Variants in BTBD9 observed in about 807,000 individuals in gnomAD.
BTBD9 encodes the protein BTB domain containing 9.
In BTBD9, 49 loss-of-function variants were observed where a neutral mutation model predicts 64.3. The observed-to-expected ratio is 0.76, with a 90% CI of 0.61 to 0.97. The LOEUF (loss-of-function observed/expected upper bound fraction) is 0.97. Among genes scored for constraint, BTBD9 ranks in the 50% least tolerant of loss-of-function variants. The probability of loss-of-function intolerance (pLI) is 0.00; values close to 1 mark genes in which losing one functional copy is unlikely to be tolerated. For synonymous variants in BTBD9, 260 were observed against 274.7 expected, an observed-to-expected ratio of 0.95 and a Z score of 0.53; for missense variants, 598 against 762.1, an observed-to-expected ratio of 0.78 and a Z score of 2.53.
chr6:38,197,147 T>C (rs563631565), intron 9 of BTBD9, among the ~76,000 whole-genome samples: 4 of 152,240 alleles, frequency 2.6e-5, no homozygotes, highest in Non-Finnish European at 5.9e-5. Context: ...CACAGACCAC[T>C]GTCTGGTTTA....
At chr6:38,327,192 G>C (rs1207896053) in intron 7 of BTBD9, among the ~76,000 whole-genome samples, 1 of 152,014 alleles carries the variant, frequency 6.6e-6, no homozygotes, top group Non-Finnish European at 1.5e-5. Flanking sequence ...AAAAAAATAA[G>C]TATCTAATGC....
chr6:38,608,922 G>A (rs748546547), intron 1 of BTBD9, among the ~76,000 whole-genome samples: 2 of 152,056 alleles, frequency 1.3e-5, no homozygotes, highest in Non-Finnish European at 2.9e-5. Flanking sequence ...ATTCTGTACT[G>A]TGATTTTAAA....
intron 6 of BTBD9, among the ~76,000 whole-genome samples, chr6:38,531,260 C>A (rs1192368758): frequency 2.0e-5 from 3 of 152,144 alleles, no homozygotes; most frequent in Admixed American, 2.0e-4. Context: ...TCAGAAGAAA[C>A]CTCACAGGCC....
chr6:38,328,377 G>A (rs747903168), intron 7 of BTBD9, among the ~76,000 whole-genome samples: 2 of 152,114 alleles, frequency 1.3e-5, no homozygotes, highest in African/African-American at 2.4e-5. Flanking sequence ...CTTATAAGAA[G>A]AGGAAGAAAC....
chr6:38,260,814 A>G (rs1258851059), intron 8 of BTBD9, among the ~76,000 whole-genome samples: 3 of 152,246 alleles, frequency 2.0e-5, no homozygotes, highest in African/African-American at 7.2e-5. Context: ...TTGTAACATC[A>G]AATATTCTTC....
chr6:38,370,530 C>T (rs1442341411), intron 6 of BTBD9, among the ~76,000 whole-genome samples: 1 of 152,162 alleles, frequency 6.6e-6, no homozygotes, highest in Non-Finnish European at 1.5e-5. Context: ...TTTCACTCTC[C>T]AGTTTACTCC....
At chr6:38,202,699 T>C (rs1377597153) in intron 9 of BTBD9, among the ~76,000 whole-genome samples, 5 of 152,062 alleles carry the variant, frequency 3.3e-5, no homozygotes, top group Admixed American at 2.6e-4. Context: ...GCTGGGAAAA[T>C]TGGATATCCA....
intron 6 of BTBD9, among the ~76,000 whole-genome samples, chr6:38,375,934 A>AGAAAGAAAGAAG (rs1554143846): frequency 7.5e-4 from 87 of 115,650 alleles, no homozygotes; most frequent in Non-Finnish European, 1.2e-3. Flanking sequence ...AAAGAAAGAA[A>AGAAAGAAAGAAG]GAAAGAAGGA....
intron 9 of BTBD9, among the ~76,000 whole-genome samples, chr6:38,248,524 G>C (rs1300454643): frequency 2.6e-5 from 4 of 152,194 alleles, no homozygotes; most frequent in Non-Finnish European, 5.9e-5. Flanking sequence ...AAAAATGAAT[G>C]CAAATGAGGA....
intron 6 of BTBD9, among the ~76,000 whole-genome samples, chr6:38,492,078 G>A (rs987098347): frequency 3.3e-5 from 5 of 152,030 alleles, no homozygotes; most frequent in East Asian, 1.9e-4. Context: ...AAGATTAACC[G>A]GGTCCCACTT....
In BTBD9 at chr6:38,262,596, G is replaced by A. The variant is rs553496876; in HGVS notation, c.1455-6080C>T. ...CAGCAACTAATTGCTCTCCTTGCTG[G>A]TATTTTGATACAAAATTCAATAGCG... On this transcript the variant is annotated intron_variant, in intron 8 of 10. Coordinates refer to ENST00000481247, the MANE Select transcript of BTBD9 (RefSeq NM_001099272.2). 5.9e-5 allele frequency among the ~76,000 whole-genome samples: 9 copies of A among 151,932 alleles called. No individual in the cohort carries two copies. The East Asian group carries it at 1.7e-3, about 29-fold the overall frequency.
intron 6 of BTBD9, among the ~76,000 whole-genome samples, chr6:38,356,955 G>A (rs1053664979): frequency 6.6e-6 from 1 of 152,172 alleles, no homozygotes; most frequent in Non-Finnish European, 1.5e-5. Flanking sequence ...GGTTATGTGT[G>A]TTGGAGGTGT....
intron 6 of BTBD9, among the ~76,000 whole-genome samples, chr6:38,523,476 T>C (rs899929360): frequency 1.3e-5 from 2 of 152,192 alleles, no homozygotes; most frequent in African/African-American, 4.8e-5. Context: ...CAAAGCCTAC[T>C]ACCCTTGTGC....
At chr6:38,259,443 C>T (rs1270806168) in intron 8 of BTBD9, among the ~76,000 whole-genome samples, 2 of 152,164 alleles carry the variant, frequency 1.3e-5, no homozygotes, top group African/African-American at 4.8e-5. Flanking sequence ...CTCTCTGTTG[C>T]CCAGGCTGGA....
rs577102305 is a variant in BTBD9 at position 38,222,312 on chromosome 6, A to G, written c.1563-29715T>C. On this transcript the variant is annotated intron_variant, in intron 9 of 10. Transcript: ENST00000481247. ...GTCTTGCTCTGTCACCCAGGCTGGA[A>G]TGCAGTGGTGCGATCTCGGCTTACT... Among the ~76,000 whole-genome samples the G allele has an allele frequency of 4.3e-4, 56 of 129,632 alleles. 1 individual carries two copies. In the East Asian group the frequency reaches 6.3e-3, roughly 14 times the overall value. 85.0% of individuals were successfully genotyped at this position (129,632 alleles called of 152,430 possible).
In BTBD9 at chr6:38,168,680, A is replaced by C. The variant is rs576718743; in HGVS notation, c.*6305T>G. 1.3e-5 allele frequency: 2 copies of C among 152,350 alleles called. No homozygotes were observed. The highest frequency in any genetic ancestry group is 3.9e-4 in the East Asian group (2 of 5,172). 9.4% of individuals were successfully genotyped at this position (152,350 alleles called of 1,614,324 possible). A position where few individuals can be genotyped will look rare whatever the true frequency, so the allele number is the denominator to read the frequency against. On this transcript the variant is annotated 3_prime_UTR_variant, in exon 11 of 11. Coordinates refer to ENST00000481247, the MANE Select transcript of BTBD9 (RefSeq NM_001099272.2). ...TTCTGGAGTCACAGAGCCATTCCCA[A>C]CCCAGGCCTGGCATGGTCCCTGCCC... is the stretch of plus-strand genomic sequence containing the variant.
chr6:38,227,626 A>T (rs1763444407), intron 9 of BTBD9, among the ~76,000 whole-genome samples: 1 of 151,972 alleles, frequency 6.6e-6, no homozygotes, highest in Non-Finnish European at 1.5e-5. Context: ...GGCCATAAAG[A>T]CTCCTGCAGA....
At chr6:38,455,913 G>C (rs765634981) in intron 6 of BTBD9, among the ~76,000 whole-genome samples, 1 of 152,132 alleles carries the variant, frequency 6.6e-6, no homozygotes, top group Non-Finnish European at 1.5e-5. Context: ...CTGACCTCAG[G>C]TGATCCACCT....
At chr6:38,198,447 A>G (rs891500536) in intron 9 of BTBD9, among the ~76,000 whole-genome samples, 2 of 152,246 alleles carry the variant, frequency 1.3e-5, no homozygotes, top group Non-Finnish European at 2.9e-5. Flanking sequence ...GACACTGCAC[A>G]GGCCCATAAG....
Sources: gnomAD v4.1 joint callset for allele counts (sites outside exome capture counted in the v4.1 genomes callset) on GRCh38, gnomAD v4.1.1 for gene constraint, MANE v1.5 for transcripts, NCBI Gene and HGNC (gene_info 2026-07-23, HGNC 2026-07-21) for gene names.